Variants in MYO3A observed in about 807,000 individuals in gnomAD.
The protein encoded by MYO3A is myosin-IIIa.
MYO3A carries 180 observed loss-of-function variants against 192.7 expected under a neutral mutation model. The observed-to-expected ratio is 0.93, with a 90% CI of 0.83 to 1.06. MYO3A has a LOEUF of 1.06. MYO3A is among the 50% of genes least tolerant of loss of function. MYO3A has a pLI of 0.00. For synonymous variants in MYO3A, 628 were observed against 645.3 expected, an observed-to-expected ratio of 0.97 and a Z score of 0.41; for missense variants, 1,896 against 1,905.0, an observed-to-expected ratio of 1.00 and a Z score of 0.09.
intron 14 of MYO3A, among the ~76,000 whole-genome samples, chr10:26,079,578 T>C (rs1300277004): frequency 1.3e-5 from 2 of 152,110 alleles, no homozygotes; most frequent in South Asian, 4.2e-4. Context: ...TGTTTTTTTG[T>C]TTCTGCTTTT....
intron 17 of MYO3A, among the ~76,000 whole-genome samples, chr10:26,109,798 A>C (rs939447880): frequency 6.6e-6 from 1 of 152,194 alleles, no homozygotes; most frequent in African/African-American, 2.4e-5. Context: ...CTCTCATTGA[A>C]TTCTGAATAA....
At chr10:26,198,299 G>T (rs565174710) in intron 32 of MYO3A, among the ~76,000 whole-genome samples, 5 of 152,142 alleles carry the variant, frequency 3.3e-5, no homozygotes, top group African/African-American at 1.2e-4. Flanking sequence ...GAGCCAAGCC[G>T]CAGAAGCGTG....
At position 26,143,658 on chromosome 10, in the gene MYO3A, G is replaced by A. The variant is rs1219295935; in HGVS notation, c.2416+57G>A. The A allele has an allele frequency of 3.8e-6, 6 of 1,589,980 alleles. No individual in the cohort carries two copies. In the African/African-American group the frequency reaches 5.4e-5, roughly 14 times the overall value. On this transcript the variant is annotated intron_variant, in intron 21 of 34. Coordinates refer to ENST00000642920, the MANE Select transcript of MYO3A (RefSeq NM_017433.5). ...TTTATGAATAGAGTCTTGTCATTCT[G>A]AATGATTTTTTAAATGGCTTTAAAT...
In MYO3A at chr10:26,067,063, A is replaced by G. The variant is rs3824699; in HGVS notation, c.1042A>G (p.Ile348Val). 1,099,020 of 1,603,116 alleles carry G rather than the reference A, an allele frequency of 0.69. 378,441 individuals are homozygous for G. Among genetic ancestry groups the G allele is most frequent in the Middle Eastern group, 0.69 (4,185 of 6,030 alleles). The change falls in exon 11 of 35, where the codon ATT (isoleucine) becomes GTT (valine). Residue 348 changes from isoleucine (I) to valine (V), a missense_variant. Transcript: ENST00000642920. ...TGTAGATGATTTAGCAACCCTAGAAATTTTGGATGAGGTAAGAATTTCAGT... is the reference window on the plus strand; with the variant it reads ...TGTAGATGATTTAGCAACCCTAGAAGTTTTGGATGAGGTAAGAATTTCAGT... ...KDVDDLATLE[I>V]LDENTVSEQL...
At chr10:26,139,860 C>G (rs1188171864) in intron 20 of MYO3A, among the ~76,000 whole-genome samples, 1 of 152,138 alleles carries the variant, frequency 6.6e-6, no homozygotes, top group Admixed American at 6.5e-5. Flanking sequence ...CCGCTGCACA[C>G]CAGCCTGGGC....
chr10:26,175,900 A>C (rs1842301103), intron 30 of MYO3A, among the ~76,000 whole-genome samples: 1 of 152,232 alleles, frequency 6.6e-6, no homozygotes, highest in African/African-American at 2.4e-5. Context: ...TCAACCCAGC[A>C]GGACAGCCGT....
intron 4 of MYO3A, among the ~76,000 whole-genome samples, chr10:25,981,536 A>G (rs183615844): frequency 6.6e-6 from 1 of 152,344 alleles, no homozygotes; most frequent in African/African-American, 2.4e-5. Context: ...CAAAACATCT[A>G]TTATGATAAA....
intron 27 of MYO3A, among the ~76,000 whole-genome samples, chr10:26,167,732 A>G (rs1022268320): frequency 1.3e-5 from 2 of 152,234 alleles, no homozygotes; most frequent in Admixed American, 1.3e-4. Context: ...ATTAACATCT[A>G]GAGTCCTGTA....
intron 14 of MYO3A, among the ~76,000 whole-genome samples, chr10:26,085,519 T>G (rs1469695976): frequency 2.0e-5 from 3 of 152,228 alleles, no homozygotes; most frequent in Non-Finnish European, 4.4e-5. Flanking sequence ...ACCAATTGGT[T>G]GTTCAGGAGT....
chr10:25,936,237 T>C (rs928260942), intron 2 of MYO3A, among the ~76,000 whole-genome samples: 31 of 152,194 alleles, frequency 2.0e-4, no homozygotes, highest in Middle Eastern at 6.8e-3. Flanking sequence ...TAGCCTAATT[T>C]TTTTTTTGCA....
At chr10:26,154,112 C>T (rs1840960150) in intron 24 of MYO3A, among the ~76,000 whole-genome samples, 183 bp downstream of exon 24, 1 of 152,136 alleles carries the variant, frequency 6.6e-6, no homozygotes, top group African/African-American at 2.4e-5. Context: ...AATAATCATG[C>T]ATTTCTGATA....
At chr10:25,936,470 G>A (rs2039933227) in intron 2 of MYO3A, among the ~76,000 whole-genome samples, 1 of 152,014 alleles carries the variant, frequency 6.6e-6, no homozygotes, top group South Asian at 2.1e-4. Context: ...TATAAACAAG[G>A]ATCCTTTCAT....
chr10:26,100,670 G>C (rs1368228107), intron 17 of MYO3A, among the ~76,000 whole-genome samples: 2 of 152,170 alleles, frequency 1.3e-5, no homozygotes, highest in African/African-American at 4.8e-5. Context: ...AGTCATTCAG[G>C]AGCAGGTTGT....
intron 31 of MYO3A, among the ~76,000 whole-genome samples, chr10:26,177,099 G>A (rs1199365198): frequency 6.6e-6 from 1 of 151,654 alleles, no homozygotes. Context: ...GGCATATGAC[G>A]CCACAAGGGA....
At chr10:26,037,573 A>G (rs1029126188) in intron 10 of MYO3A, among the ~76,000 whole-genome samples, 1 of 152,150 alleles carries the variant, frequency 6.6e-6, no homozygotes, top group Non-Finnish European at 1.5e-5. Context: ...AGTTTTCCCA[A>G]CACCATTTAT....
In MYO3A at chr10:26,067,226, G is replaced by T. The variant is rs74801860; in HGVS notation, c.1053+152G>T. 2.7e-3 allele frequency: 1,656 copies of T among 620,178 alleles called. 21 individuals carry two copies. In the East Asian group the frequency reaches 0.037, roughly 14 times the overall value. 38.4% of individuals were successfully genotyped at this position (620,178 alleles called of 1,614,324 possible). A position where few individuals can be genotyped will look rare whatever the true frequency, so the allele number is the denominator to read the frequency against. On this transcript the variant is annotated intron_variant, in intron 11 of 34. Coordinates refer to ENST00000642920, the MANE Select transcript of MYO3A (RefSeq NM_017433.5). Reference sequence around the variant, plus strand: ...CTCTGCCCATGTCTCCCATCTGTAAGTCTCATGCTTTCTTTGTCTCTTAGC... The same window carrying T: ...CTCTGCCCATGTCTCCCATCTGTAATTCTCATGCTTTCTTTGTCTCTTAGC...
chr10:26,128,114 G>T (rs1293425791), intron 19 of MYO3A, among the ~76,000 whole-genome samples: 1 of 152,082 alleles, frequency 6.6e-6, no homozygotes, highest in Non-Finnish European at 1.5e-5. Context: ...TTTGTTCTTA[G>T]GAGAAGAAAA....
chr10:26,006,520 T>A (rs1160195052), intron 6 of MYO3A, among the ~76,000 whole-genome samples: 1 of 151,772 alleles, frequency 6.6e-6, no homozygotes, highest in Non-Finnish European at 1.5e-5. Flanking sequence ...AAGAATCAAA[T>A]AGATGCAATA....
At chr10:26,169,450 G>T (rs745554588) in intron 28 of MYO3A, among the ~76,000 whole-genome samples, 17 of 150,936 alleles carry the variant, frequency 1.1e-4, no homozygotes, top group Admixed American at 1.1e-3. Context: ...TTTTTGACTG[G>T]ATACTTAGAG....
Sources: allele counts gnomAD v4.1 joint callset (sites outside exome capture counted in the v4.1 genomes callset), GRCh38; gene constraint gnomAD v4.1.1; transcripts MANE v1.5; gene names NCBI Gene and HGNC (gene_info 2026-07-23, HGNC 2026-07-21).